Variants in FHIT observed in about 807,000 individuals in gnomAD.
FHIT encodes bis(5'-adenosyl)-triphosphatase.
In FHIT, 19 loss-of-function variants were observed where a neutral mutation model predicts 17.9. The observed-to-expected ratio is 1.06, with a 90% CI of 0.74 to 1.56. The LOEUF (loss-of-function observed/expected upper bound fraction) is 1.56. FHIT is among the 40% of genes most tolerant of loss of function. The pLI is 0.00. For missense variants in FHIT, 248 were observed against 189.2 expected (o/e 1.31, Z -1.82); for synonymous variants, 81 against 69.7 (o/e 1.16, Z -0.81).
At chr3:60,648,856 A>G (rs76889241) in intron 4 of FHIT, among the ~76,000 whole-genome samples, 4,817 of 152,272 alleles carry the variant, frequency 0.032, 95 homozygotes, top group South Asian at 0.071. Context: ...CCTCTCTTCA[A>G]TTGGAAACAT....
chr3:60,482,602 G>A lies in FHIT; in HGVS notation c.103+54258C>T, dbSNP rs191925927. ...CCTGGGTAAATAATGGAATTAAGGC[G>A]GAAATCAAGAAGTTCTTTGAAACCA... On this transcript the variant is annotated intron_variant, in intron 5 of 9. Coordinates refer to ENST00000492590, the MANE Select transcript of FHIT (RefSeq NM_002012.4). Among the ~76,000 whole-genome samples the A allele has an allele frequency of 3.2e-4, 48 of 152,044 alleles. No individual in the cohort carries two copies. The East Asian group carries it at 6.0e-3, about 19-fold the overall frequency.
intron 2 of FHIT, among the ~76,000 whole-genome samples, chr3:61,047,422 A>C (rs1559938967): frequency 6.6e-6 from 1 of 152,028 alleles, no homozygotes. Flanking sequence ...TGCAACTTAC[A>C]AAAGATGTGA....
chr3:60,554,269 A>C (rs1032642382), intron 4 of FHIT, among the ~76,000 whole-genome samples: 12 of 152,062 alleles, frequency 7.9e-5, no homozygotes, highest in African/African-American at 2.6e-4. Context: ...AAACAAAACG[A>C]AACCCAAATC....
intron 8 of FHIT, among the ~76,000 whole-genome samples, chr3:59,789,949 CCT>C: frequency 6.6e-6 from 1 of 152,292 alleles, no homozygotes; most frequent in South Asian, 2.1e-4. Flanking sequence ...ACATGGCACT[CCT>C]CTCCCATCAC....
intron 3 of FHIT, among the ~76,000 whole-genome samples, chr3:60,901,973 T>C (rs1338755205): frequency 6.6e-6 from 1 of 152,220 alleles, no homozygotes; most frequent in Non-Finnish European, 1.5e-5. Context: ...TATCCTCCTC[T>C]GTTAAGTAAT....
chr3:60,595,795 C>T lies in FHIT; in HGVS notation c.-17-58816G>A, dbSNP rs538228484. 8.6e-4 allele frequency among the ~76,000 whole-genome samples: 131 copies of T among 151,488 alleles called. 1 individual carries two copies. The highest frequency in any genetic ancestry group is 1.2e-3 in the Non-Finnish European group (78 of 67,654). On this transcript the variant is annotated intron_variant, in intron 4 of 9. Coordinates refer to ENST00000492590, the MANE Select transcript of FHIT (RefSeq NM_002012.4). ...AGTAGCTGTAACTACAGGCATGCAC[C>T]GCCATGCCTGGCTAATTTTTTTTTA...
At chr3:60,392,653 A>T (rs1244313873) in intron 5 of FHIT, among the ~76,000 whole-genome samples, 12 of 152,188 alleles carry the variant, frequency 7.9e-5, no homozygotes, top group African/African-American at 2.7e-4. Context: ...TTCTACTGAA[A>T]TTTTAACCAA....
intron 3 of FHIT, among the ~76,000 whole-genome samples, chr3:60,870,754 G>A (rs1471507376): frequency 1.3e-5 from 2 of 152,130 alleles, no homozygotes; most frequent in African/African-American, 4.8e-5. Flanking sequence ...TGGGCCAACT[G>A]CTGGTTGTAA....
chr3:60,927,687 G>A (rs1377119102), intron 3 of FHIT, among the ~76,000 whole-genome samples: 1 of 151,908 alleles, frequency 6.6e-6, no homozygotes, highest in Non-Finnish European at 1.5e-5. Context: ...CGTCTGGGAG[G>A]TGGGGAGCAC....
At position 60,123,967 on chromosome 3, in the gene FHIT, A is replaced by AATATATATATATATAT. The variant is rs1176212050; in HGVS notation, c.104-109831_104-109816dup. Reference sequence around the variant, plus strand: ...CTTCCATTAACAGAAATGCACTAAAAATATATATATATATATATATATATA... The same window carrying AATATATATATATATAT: ...CTTCCATTAACAGAAATGCACTAAAAATATATATATATATATATATATATATATATATATATATATA... On this transcript the variant is annotated intron_variant, in intron 5 of 9. Transcript: ENST00000492590. Among the ~76,000 whole-genome samples, 17 of 27,794 alleles carry AATATATATATATATAT rather than the reference A, an allele frequency of 6.1e-4. 1 individual carries two copies. Among genetic ancestry groups the AATATATATATATATAT allele is most frequent in the African/African-American group, 1.4e-3 (10 of 7,034 alleles). The allele number at this position is 27,794 out of a possible 152,430, so 18.2% of individuals were successfully genotyped here.
chr3:60,038,179 C>T (rs1323070038), intron 5 of FHIT, among the ~76,000 whole-genome samples: 1 of 152,094 alleles, frequency 6.6e-6, no homozygotes, highest in Non-Finnish European at 1.5e-5. Flanking sequence ...TAACCACTGC[C>T]ACATGTACAC....
In FHIT at chr3:60,114,036, AATATATATATATATATATAT is replaced by A. The variant is rs1157736530; in HGVS notation, c.104-99904_104-99885del. On this transcript the variant is annotated intron_variant, in intron 5 of 9. Coordinates refer to ENST00000492590, the MANE Select transcript of FHIT (RefSeq NM_002012.4). ...AAAAAAAAAAAAAAAAAAAAAAAAA[AATATATATATATATATATAT>A]ATATATATATATATATAATGTTATA... 2.2e-3 allele frequency among the ~76,000 whole-genome samples: 22 copies of A among 10,218 alleles called. 1 individual carries two copies. Among genetic ancestry groups the A allele is most frequent in the East Asian group, 3.4e-3 (1 of 296 alleles). 6.7% of individuals were successfully genotyped at this position (10,218 alleles called of 152,430 possible). A position where few individuals can be genotyped will look rare whatever the true frequency, so the allele number is the denominator to read the frequency against.
chr3:60,717,073 A>T (rs1431187756), intron 4 of FHIT, among the ~76,000 whole-genome samples: 1 of 152,204 alleles, frequency 6.6e-6, no homozygotes, highest in African/African-American at 2.4e-5. Context: ...GATCTCACTT[A>T]TATGTAGAAT....
intron 4 of FHIT, among the ~76,000 whole-genome samples, chr3:60,703,968 G>C (rs1249733239): frequency 6.6e-6 from 1 of 151,730 alleles, no homozygotes; most frequent in African/African-American, 2.4e-5. Flanking sequence ...TCCTAGATTT[G>C]AAAGTGAATG....
chr3:59,883,215 ACT>A (rs1703480125), intron 8 of FHIT, among the ~76,000 whole-genome samples: 2 of 151,776 alleles, frequency 1.3e-5, no homozygotes, highest in South Asian at 4.2e-4. Flanking sequence ...AATATTAAAA[ACT>A]CTGTAATTCC....
chr3:60,269,074 A>G (rs1228768418), intron 5 of FHIT, among the ~76,000 whole-genome samples: 2 of 152,342 alleles, frequency 1.3e-5, no homozygotes, highest in East Asian at 3.9e-4. Context: ...AGTGAGAGCC[A>G]TTTAAGACTT....
intron 4 of FHIT, among the ~76,000 whole-genome samples, chr3:60,572,865 A>C (rs954838995): frequency 6.6e-6 from 1 of 152,168 alleles, no homozygotes; most frequent in African/African-American, 2.4e-5. Context: ...AGCAACTCGC[A>C]GAGTTCTTTA....
intron 5 of FHIT, among the ~76,000 whole-genome samples, chr3:60,109,459 A>C (rs1704576468): frequency 6.6e-6 from 1 of 152,178 alleles, no homozygotes; most frequent in Admixed American, 6.5e-5. Context: ...TGTCTGGCTT[A>C]TTCCTAAAGA....
intron 2 of FHIT, among the ~76,000 whole-genome samples, chr3:61,059,576 T>C (rs557755583): frequency 3.9e-5 from 6 of 152,254 alleles, no homozygotes; most frequent in Non-Finnish European, 5.9e-5. Context: ...CATATTCTCT[T>C]TAAAGTAGGA....
Sources: allele counts gnomAD v4.1 joint callset (sites outside exome capture counted in the v4.1 genomes callset), GRCh38; gene constraint gnomAD v4.1.1; transcripts MANE v1.5; gene names NCBI Gene and HGNC (gene_info 2026-07-23, HGNC 2026-07-21).